Variants in ZBTB7C observed in about 807,000 individuals in gnomAD.
ZBTB7C encodes the protein zinc finger and BTB domain containing 7C.
In ZBTB7C, 8 loss-of-function variants were observed where a neutral mutation model predicts 25.7. The observed-to-expected ratio is 0.31, with a 90% CI of 0.18 to 0.56. ZBTB7C has a LOEUF of 0.56. Ranked by LOEUF, ZBTB7C falls within the 20% of genes least tolerant of loss-of-function variation. The pLI is 0.91. For synonymous variants in ZBTB7C, 394 were observed against 369.0 expected, an observed-to-expected ratio of 1.07 and a Z score of -0.78; for missense variants, 824 against 855.2, an observed-to-expected ratio of 0.96 and a Z score of 0.46.
At chr18:48,049,236 T>C (rs995780295) in intron 3 of ZBTB7C, among the ~76,000 whole-genome samples, 2 of 152,236 alleles carry the variant, frequency 1.3e-5, no homozygotes, top group Non-Finnish European at 2.9e-5. Context: ...GTCTTAGTTT[T>C]ACTAGGAACA....
At position 48,382,105 on chromosome 18, in the gene ZBTB7C, C is replaced by A. The variant is rs372175847; in HGVS notation, c.-304+27121G>T. On this transcript the variant is annotated intron_variant, in intron 1 of 4. Coordinates refer to ENST00000590800, the MANE Select transcript of ZBTB7C (RefSeq NM_001318841.2). ...CTGTAGTGCAAGTGGTAGGTAGGTG[C>A]AATGAAAGAGAGCTAAATTTTCACC... Among the ~76,000 whole-genome samples, 48 of 152,252 alleles carry A rather than the reference C, an allele frequency of 3.2e-4. No individual in the cohort carries two copies. In the East Asian group the frequency reaches 8.3e-3, roughly 26 times the overall value.
At chr18:48,360,397 G>A (rs1479540894) in intron 1 of ZBTB7C, among the ~76,000 whole-genome samples, 2 of 152,198 alleles carry the variant, frequency 1.3e-5, no homozygotes, top group African/African-American at 4.8e-5. Context: ...AGGCATGGGG[G>A]ATTTTAGGGG....
At chr18:48,248,230 C>T (rs917852435) in intron 2 of ZBTB7C, among the ~76,000 whole-genome samples, 8 of 152,152 alleles carry the variant, frequency 5.3e-5, no homozygotes, top group African/African-American at 1.7e-4. Flanking sequence ...ATACAGGTGC[C>T]TTCCACCATG....
rs148071889 is a variant in ZBTB7C at position 48,156,486 on chromosome 18, G to A, written c.-17+29448C>T. 5.9e-5 allele frequency among the ~76,000 whole-genome samples: 9 copies of A among 152,304 alleles called. No individual in the cohort carries two copies. In the East Asian group the frequency reaches 1.4e-3, roughly 23 times the overall value. The stretch of plus-strand genomic sequence containing the variant: ...AGCTTGTCTGTGAAGGAAAGCACTC[G>A]AAAAGTAAAGTGGGATACACACAAA... On this transcript the variant is annotated intron_variant, in intron 3 of 4. Coordinates refer to ENST00000590800, the MANE Select transcript of ZBTB7C (RefSeq NM_001318841.2).
At chr18:48,107,730 C>T (rs138622388) in intron 3 of ZBTB7C, among the ~76,000 whole-genome samples, 65 of 152,226 alleles carry the variant, frequency 4.3e-4, no homozygotes, top group African/African-American at 1.3e-3. Flanking sequence ...TACCCTTCCC[C>T]GCTGTGGGGT....
chr18:48,290,793 C>T (rs1326692331), intron 2 of ZBTB7C, among the ~76,000 whole-genome samples: 9 of 152,320 alleles, frequency 5.9e-5, no homozygotes, highest in South Asian at 2.1e-4. Context: ...GGACAGCCCG[C>T]GGAAAGCCAC....
At chr18:48,051,692 G>C (rs934356048) in intron 3 of ZBTB7C, among the ~76,000 whole-genome samples, 1 of 152,134 alleles carries the variant, frequency 6.6e-6, no homozygotes, top group Non-Finnish European at 1.5e-5. Context: ...GACAGAAAAA[G>C]TGGGTTCCCT....
intron 1 of ZBTB7C, among the ~76,000 whole-genome samples, chr18:48,362,491 A>G (rs1457135081): frequency 6.6e-6 from 1 of 152,190 alleles, no homozygotes; most frequent in Non-Finnish European, 1.5e-5. Flanking sequence ...CACAGCTAGA[A>G]GGTGCCATTC....
At chr18:48,367,175 T>TTTTATATA (rs1247008733) in intron 1 of ZBTB7C, among the ~76,000 whole-genome samples, 1 of 62,278 alleles carries the variant, frequency 1.6e-5, no homozygotes, top group Admixed American at 1.6e-4. Context: ...TCCCCAAGTT[T>TTTTATATA]TATATATATA....
At chr18:48,107,754 G>A (rs2055732874) in intron 3 of ZBTB7C, among the ~76,000 whole-genome samples, 1 of 152,118 alleles carries the variant, frequency 6.6e-6, no homozygotes, top group African/African-American at 2.4e-5. Flanking sequence ...ATAACAATCT[G>A]GGGTCACCCC....
chr18:48,162,820 A>G (rs1432947090), intron 3 of ZBTB7C, among the ~76,000 whole-genome samples: 1 of 152,226 alleles, frequency 6.6e-6, no homozygotes, highest in Non-Finnish European at 1.5e-5. Flanking sequence ...CCTCTCAGTA[A>G]ATAAGAGACG....
intron 2 of ZBTB7C, among the ~76,000 whole-genome samples, chr18:48,273,009 G>A (rs1394904583): frequency 6.6e-6 from 1 of 152,166 alleles, no homozygotes; most frequent in Non-Finnish European, 1.5e-5. Context: ...AGCACGGAAT[G>A]GGAACTGACT....
At chr18:48,063,438 G>C (rs2037201157) in intron 3 of ZBTB7C, among the ~76,000 whole-genome samples, 1 of 152,228 alleles carries the variant, frequency 6.6e-6, no homozygotes, top group African/African-American at 2.4e-5. Context: ...CTGCCCTGGG[G>C]CTCCCAGAGG....
intron 1 of ZBTB7C, among the ~76,000 whole-genome samples, chr18:48,401,191 C>T (rs1284982285): frequency 1.3e-5 from 2 of 152,140 alleles, no homozygotes; most frequent in Non-Finnish European, 2.9e-5. Flanking sequence ...ATAGGGTAGT[C>T]GCTTGGGGAG....
At chr18:48,168,692 G>T (rs2041355383) in intron 3 of ZBTB7C, among the ~76,000 whole-genome samples, 1 of 152,184 alleles carries the variant, frequency 6.6e-6, no homozygotes, top group African/African-American at 2.4e-5. Flanking sequence ...GGACTTGAAA[G>T]CTTATCACCT....
intron 2 of ZBTB7C, among the ~76,000 whole-genome samples, chr18:48,233,230 C>T (rs774009856): frequency 9.2e-5 from 14 of 152,270 alleles, no homozygotes; most frequent in South Asian, 2.1e-4. Flanking sequence ...CTCGCGCGCA[C>T]GCTCTCTCTC....
At chr18:48,360,235 C>A (rs2047072208) in intron 1 of ZBTB7C, among the ~76,000 whole-genome samples, 2 of 152,232 alleles carry the variant, frequency 1.3e-5, no homozygotes, top group Non-Finnish European at 2.9e-5. Flanking sequence ...CACCTCCTTG[C>A]ACTTCAGACT....
chr18:48,297,868 A>C (rs2045438457), intron 2 of ZBTB7C, among the ~76,000 whole-genome samples: 1 of 152,200 alleles, frequency 6.6e-6, no homozygotes. Flanking sequence ...TCCTGTATGA[A>C]AATGTGTGCC....
chr18:48,189,447 C>A (rs951985090), intron 2 of ZBTB7C, among the ~76,000 whole-genome samples: 3 of 151,988 alleles, frequency 2.0e-5, no homozygotes, highest in African/African-American at 4.8e-5. Flanking sequence ...GCTTTGGAGA[C>A]AGGGGGAGAC....
Sources: gnomAD v4.1 joint callset for allele counts (sites outside exome capture counted in the v4.1 genomes callset) on GRCh38, gnomAD v4.1.1 for gene constraint, MANE v1.5 for transcripts, NCBI Gene and HGNC (gene_info 2026-07-23, HGNC 2026-07-21) for gene names.